The following RANBP2 variants were observed in gnomAD, a reference collection of about 807,000 sequenced individuals.
RANBP2 encodes RAN binding protein 2.
In RANBP2, 57 loss-of-function variants were observed where a neutral mutation model predicts 303.6. That is an observed-to-expected ratio of 0.19 (90% CI 0.15 to 0.23). The LOEUF (loss-of-function observed/expected upper bound fraction) is 0.23. RANBP2 is among the 10% of genes least tolerant of loss of function. RANBP2 has a pLI of 1.00. For synonymous variants in RANBP2, 1,167 were observed against 1,301.5 expected, an observed-to-expected ratio of 0.90 and a Z score of 2.23; for missense variants, 3,138 against 3,780.8, an observed-to-expected ratio of 0.83 and a Z score of 4.46.
the RANBP2 span, among the ~76,000 whole-genome samples, chr2:109,635,926 T>C: frequency 6.6e-6 from 1 of 152,244 alleles, no homozygotes; most frequent in Non-Finnish European, 1.5e-5. Flanking sequence ...AGAATTCTTA[T>C]GTTGAAATCT....
At chr2:109,672,953 T>G in the RANBP2 span, among the ~76,000 whole-genome samples, 3 of 152,228 alleles carry the variant, frequency 2.0e-5, no homozygotes, top group African/African-American at 7.2e-5. Flanking sequence ...GTTTATAGGT[T>G]GTTTGATATT....
the RANBP2 span, among the ~76,000 whole-genome samples, chr2:108,850,472 G>A: frequency 8.6e-5 from 13 of 152,034 alleles, no homozygotes; most frequent in African/African-American, 3.1e-4. Context: ...TGTTTTTGGA[G>A]ACAGAGTTTC....
intron 6 of RANBP2, among the ~76,000 whole-genome samples, 162 bp from the exon 7 acceptor site, chr2:108,740,327 A>G (rs1416666828): frequency 1.3e-5 from 2 of 152,250 alleles, no homozygotes; most frequent in East Asian, 3.8e-4. Context: ...AAAAAAAAGC[A>G]TTAGATGATT....
At chr2:109,119,927 T>C in the RANBP2 span, among the ~76,000 whole-genome samples, 2 of 152,202 alleles carry the variant, frequency 1.3e-5, no homozygotes, top group African/African-American at 2.4e-5. Flanking sequence ...CCAAAAGAAA[T>C]GTAATTGAAT....
the RANBP2 span, among the ~76,000 whole-genome samples, chr2:109,433,510 C>A: frequency 2.0e-5 from 3 of 152,316 alleles, no homozygotes; most frequent in East Asian, 5.8e-4. Flanking sequence ...TGGGCACGGC[C>A]CTGTGTTGAC....
the RANBP2 span, among the ~76,000 whole-genome samples, chr2:109,607,881 A>G: frequency 6.6e-6 from 1 of 152,192 alleles, no homozygotes; most frequent in African/African-American, 2.4e-5. Context: ...GGAGGTATCT[A>G]TACTTTTATA....
the RANBP2 span, among the ~76,000 whole-genome samples, chr2:109,514,735 C>T: frequency 1.3e-5 from 2 of 152,202 alleles, no homozygotes; most frequent in African/African-American, 4.8e-5. Flanking sequence ...CGATTGGTCT[C>T]TGGACTCTTC....
chr2:108,742,395 C>A (rs1379660630), intron 7 of RANBP2, among the ~76,000 whole-genome samples: 1 of 152,120 alleles, frequency 6.6e-6, no homozygotes, highest in Non-Finnish European at 1.5e-5. Flanking sequence ...CCTGTGCCTC[C>A]TGGGTTCAAG....
At chr2:109,401,387 C>G in the RANBP2 span, among the ~76,000 whole-genome samples, 1 of 152,200 alleles carries the variant, frequency 6.6e-6, no homozygotes, top group Admixed American at 6.5e-5. Context: ...GGTCGTTTGT[C>G]TCCTTCCTCC....
the RANBP2 span, among the ~76,000 whole-genome samples, chr2:108,922,302 G>C: frequency 1.3e-5 from 2 of 152,350 alleles, no homozygotes; most frequent in East Asian, 3.9e-4. Context: ...GAGGACATGC[G>C]GGCCATGGCA....
At chr2:109,356,366 A>G in the RANBP2 span, among the ~76,000 whole-genome samples, 1 of 152,220 alleles carries the variant, frequency 6.6e-6, no homozygotes, top group East Asian at 1.9e-4. Context: ...ACCACACTGC[A>G]GCTAGGTCTA....
chr2:108,930,873 C>T, the RANBP2 span: 1 of 1,393,770 alleles, frequency 7.2e-7, no homozygotes, highest in Non-Finnish European at 1.0e-6. Context: ...CTATGATCAG[C>T]ATTCCCATTT....
chr2:109,446,444 AAT>A, the RANBP2 span, among the ~76,000 whole-genome samples: 3 of 152,310 alleles, frequency 2.0e-5, no homozygotes, highest in African/African-American at 7.2e-5. Context: ...CGAACATGTA[AAT>A]TACACAACTG....
chr2:108,986,648 T>C, the RANBP2 span, among the ~76,000 whole-genome samples: 2 of 152,180 alleles, frequency 1.3e-5, no homozygotes, highest in Non-Finnish European at 2.9e-5. Flanking sequence ...AATTTCCTTA[T>C]TGGGAAAATA....
At chr2:109,564,116 GCCTCTGC>G in the RANBP2 span, 7 of 364,872 alleles carry the variant, frequency 1.9e-5, no homozygotes, top group Non-Finnish European at 3.4e-5. Context: ...GAAACAGGGG[GCCTCTGC>G]CATACATTCT....
intron 18 of RANBP2, among the ~76,000 whole-genome samples, chr2:108,759,086 A>G (rs1676537272): frequency 1.3e-5 from 2 of 151,172 alleles, no homozygotes; most frequent in South Asian, 2.1e-4. Flanking sequence ...CTTGCCTTAC[A>G]TAATTACTAT....
At chr2:109,610,960 TCA>T in the RANBP2 span, among the ~76,000 whole-genome samples, 2 of 152,172 alleles carry the variant, frequency 1.3e-5, no homozygotes, top group Non-Finnish European at 2.9e-5. Flanking sequence ...CTACCTTATT[TCA>T]GACTTACACA....
chr2:109,109,733 A>G, the RANBP2 span, among the ~76,000 whole-genome samples: 1 of 152,244 alleles, frequency 6.6e-6, no homozygotes, highest in South Asian at 2.1e-4. Flanking sequence ...AATAGATTAG[A>G]GATTCAACTA....
the RANBP2 span, among the ~76,000 whole-genome samples, chr2:109,082,054 G>A: frequency 6.6e-6 from 1 of 152,178 alleles, no homozygotes; most frequent in African/African-American, 2.4e-5. Context: ...AGCCCACCTC[G>A]GCTGCAGGAA....
Sources: gnomAD v4.1 joint callset for allele counts (sites outside exome capture counted in the v4.1 genomes callset) on GRCh38, gnomAD v4.1.1 for gene constraint, MANE v1.5 for transcripts, NCBI Gene and HGNC (gene_info 2026-07-23, HGNC 2026-07-21) for gene names.